The following POLA1 variants were observed in gnomAD, a reference collection of about 807,000 sequenced individuals.
POLA1 encodes DNA polymerase alpha catalytic subunit.
In POLA1, 15 loss-of-function variants were observed where a neutral mutation model predicts 124.0. The observed-to-expected ratio is 0.12, with a 90% CI of 0.08 to 0.19. POLA1 has a LOEUF of 0.19. Among genes scored for constraint, POLA1 ranks in the 10% least tolerant of loss-of-function variants. POLA1 has a pLI of 1.00. For synonymous variants in POLA1, 408 were observed against 389.4 expected (o/e 1.05, Z -0.56); for missense variants, 886 against 1,103.4 (o/e 0.80, Z 2.79).
At chrX:24,741,140 TGTGTGTGCGCGC>T (rs1449209563) in intron 20 of POLA1, among the ~76,000 whole-genome samples, 100 of 84,679 alleles carry the variant, frequency 1.2e-3, no homozygotes, top group Non-Finnish European at 1.5e-3. Flanking sequence ...TGTGTGTGTG[TGTGTGTGCGCGC>T]GTGTGTGTGT....
intron 35 of POLA1, among the ~76,000 whole-genome samples, chrX:24,914,177 A>T (rs1323589241): frequency 9.0e-6 from 1 of 111,262 alleles, no homozygotes; most frequent in Non-Finnish European, 1.9e-5. Flanking sequence ...ACCCTGTCTC[A>T]AAAAAATTTT....
At chrX:24,749,020 C>T in intron 26 of POLA1, 28 bp downstream of exon 26, 1 of 1,120,021 alleles carries the variant, frequency 8.9e-7, no homozygotes, top group Non-Finnish European at 1.2e-6. Context: ...ATTCACATCT[C>T]TAGATATGAG....
At chrX:24,788,333 CT>C (rs58023571) in intron 26 of POLA1, 4,163 of 868,919 alleles carry the variant, frequency 4.8e-3, no homozygotes, top group Admixed American at 6.0e-3. Context: ...TTTACTACTT[CT>C]TTTTTTTTTT....
chrX:24,789,047 C>G (rs761249508), intron 26 of POLA1: 18 of 1,207,436 alleles, frequency 1.5e-5, no homozygotes, highest in Non-Finnish European at 1.9e-5. Context: ...GCCGGCGGGG[C>G]TTTTCAGGTC....
rs1190274117 is a variant in POLA1 at position 24,726,952 on chromosome X, C to T, written c.1412C>T (p.Pro471Leu). The T allele has an allele frequency of 8.4e-7, 1 of 1,191,138 alleles. No homozygotes were observed. Among genetic ancestry groups the T allele is most frequent in the Non-Finnish European group, 1.1e-6 (1 of 885,190 alleles). Reference protein sequence around the residue: ...VKYSAEMPQLPQDLKGETFSH... With the variant: ...VKYSAEMPQLLQDLKGETFSH... ...TTTCAGGCTGAAATGCCACAGCTTC[C>T]TCAAGATTTGAAAGGAGAAACTTTT... is the stretch of plus-strand genomic sequence containing the variant. The change falls in exon 14 of 37, where the codon CCT (proline) becomes CTT (leucine). Residue 471 changes from proline to leucine, a missense_variant. This residue lies in a region of POLA1 where 337 missense variants were observed against 402.8 expected (regional missense o/e 0.84). Coordinates refer to ENST00000379068, the MANE Select transcript of POLA1 (RefSeq NM_001330360.2).
intron 36 of POLA1, among the ~76,000 whole-genome samples, chrX:24,959,307 T>TA (rs2048143387): frequency 9.1e-6 from 1 of 110,473 alleles, no homozygotes; most frequent in South Asian, 3.9e-4. Context: ...CTGCTAAAAA[T>TA]ACAAAAATTG....
At chrX:24,793,994 GTC>G (rs752006928) in intron 26 of POLA1, among the ~76,000 whole-genome samples, 9 of 107,809 alleles carry the variant, frequency 8.3e-5, no homozygotes, top group Admixed American at 9.9e-5. Context: ...TTGAGACTGA[GTC>G]TCTCTCTCTC....
At chrX:24,714,337 T>C (rs934302987) in intron 4 of POLA1, among the ~76,000 whole-genome samples, 20 of 111,933 alleles carry the variant, frequency 1.8e-4, no homozygotes, top group Admixed American at 9.5e-4. Context: ...TTTTGTATTT[T>C]AGTAGGGACA....
chrX:24,967,221 GTT>G (rs34398619), intron 36 of POLA1, among the ~76,000 whole-genome samples: 234 of 98,062 alleles, frequency 2.4e-3, no homozygotes, highest in East Asian at 0.011. Context: ...ATTTTTAACT[GTT>G]TTTTTTTTTT....
intron 26 of POLA1, among the ~76,000 whole-genome samples, chrX:24,772,586 C>T (rs768603692): frequency 9.1e-6 from 1 of 110,100 alleles, no homozygotes; most frequent in East Asian, 2.9e-4. Context: ...TGTTCCCCTC[C>T]GTCTGTTCAT....
At chrX:24,736,031 C>T (rs1177477669) in intron 18 of POLA1, among the ~76,000 whole-genome samples, 1 of 110,981 alleles carries the variant, frequency 9.0e-6, no homozygotes, top group Non-Finnish European at 1.9e-5. Flanking sequence ...CATAAGGCAA[C>T]ATTTTGTTTT....
intron 36 of POLA1, among the ~76,000 whole-genome samples, chrX:24,981,042 G>A (rs889956768): frequency 3.6e-5 from 4 of 112,009 alleles, no homozygotes; most frequent in Non-Finnish European, 5.6e-5. Context: ...CCTGCCCCAC[G>A]TAGGTGCTTT....
In POLA1 at chrX:24,741,439, A is replaced by C. The variant is rs1306350284; in HGVS notation, c.2281A>C (p.Ile761Leu). The C allele has an allele frequency of 5.0e-6, 6 of 1,193,200 alleles. No homozygotes were observed. In the South Asian group the frequency reaches 1.1e-4, roughly 21 times the overall value. ...TWKDAKFILQ[I>L]MCELNVLPLA... Reference sequence around the variant, plus strand: ...GAAAGATGCCAAGTTCATTTTGCAGATCATGTGTGAGCTAAATGTTCTTCC... The same window carrying C: ...GAAAGATGCCAAGTTCATTTTGCAGCTCATGTGTGAGCTAAATGTTCTTCC... The change falls in exon 21 of 37, where the codon ATC (isoleucine) becomes CTC (leucine). Residue 761 changes from isoleucine to leucine, a missense_variant. This residue lies in a region of POLA1 where 182 missense variants were observed against 252.8 expected (regional missense o/e 0.72). Coordinates refer to ENST00000379068, the MANE Select transcript of POLA1 (RefSeq NM_001330360.2).
intron 26 of POLA1, among the ~76,000 whole-genome samples, chrX:24,772,179 T>C (rs2045052187): frequency 9.0e-6 from 1 of 111,583 alleles, no homozygotes; most frequent in Non-Finnish European, 1.9e-5. Flanking sequence ...CTTTTCGTAT[T>C]GTTTTCAGTG....
intron 32 of POLA1, among the ~76,000 whole-genome samples, chrX:24,838,390 G>C (rs920710134): frequency 8.9e-6 from 1 of 111,753 alleles, no homozygotes; most frequent in Non-Finnish European, 1.9e-5. Flanking sequence ...AGCCTATTCT[G>C]GGGGGAAACC....
intron 36 of POLA1, among the ~76,000 whole-genome samples, chrX:24,953,710 T>C (rs1479038273): frequency 1.8e-5 from 2 of 111,973 alleles, no homozygotes; most frequent in East Asian, 5.6e-4. Flanking sequence ...GTGTGGTATT[T>C]CCACTGTGGG....
At chrX:24,851,794 C>T (rs1457823677) in intron 34 of POLA1, among the ~76,000 whole-genome samples, 1 of 113,047 alleles carries the variant, frequency 8.8e-6, no homozygotes, top group African/African-American at 3.2e-5. Flanking sequence ...TTAGGAAAAA[C>T]TCAACTTCAG....
chrX:24,892,388 C>T (rs1221118113), intron 35 of POLA1, among the ~76,000 whole-genome samples: 1 of 111,338 alleles, frequency 9.0e-6, no homozygotes, highest in Non-Finnish European at 1.9e-5. Flanking sequence ...AACATGTACA[C>T]GTACCCTCTG....
chrX:24,728,909 C>T (rs1930716386), intron 15 of POLA1, among the ~76,000 whole-genome samples: 1 of 112,160 alleles, frequency 8.9e-6, no homozygotes, highest in Non-Finnish European at 1.9e-5. Context: ...CCTTATCCTT[C>T]ATATTTCCGC....
Sources: gnomAD v4.1 joint callset for allele counts (sites outside exome capture counted in the v4.1 genomes callset) on GRCh38, gnomAD v4.1.1 for gene constraint, gnomAD v4.1.1 regional missense constraint, MANE v1.5 for transcripts, NCBI Gene and HGNC (gene_info 2026-07-23, HGNC 2026-07-21) for gene names.